BBOX1: variants seen among roughly 807,000 people sequenced by gnomAD.
BBOX1 encodes gamma-butyrobetaine hydroxylase 1, also known as gamma-butyrobetaine dioxygenase.
A neutral mutation model predicts 41.6 loss-of-function variants in BBOX1; 35 were observed. The ratio of observed to expected loss-of-function variants is 0.84; its 90% confidence interval spans 0.64 to 1.11. The LOEUF is 1.11. Among genes scored for constraint, BBOX1 ranks in the 50% most tolerant of loss-of-function variants. BBOX1 has a pLI of 0.00. For missense variants in BBOX1, 458 were observed against 460.6 expected, an observed-to-expected ratio of 0.99 and a Z score of 0.05; for synonymous variants, 163 against 154.7, an observed-to-expected ratio of 1.05 and a Z score of -0.40.
chr11:27,065,854 A>G (rs1857266121), intron 4 of BBOX1, among the ~76,000 whole-genome samples: 1 of 152,174 alleles, frequency 6.6e-6, no homozygotes. Flanking sequence ...TTTTCTCATT[A>G]CTTAACAACT....
intron 2 of BBOX1, among the ~76,000 whole-genome samples, chr11:27,049,546 A>G (rs1851604142): frequency 6.6e-6 from 1 of 152,028 alleles, no homozygotes; most frequent in African/African-American, 2.4e-5. Flanking sequence ...CACTGCACCC[A>G]GCTGCCCATT....
At chr11:27,044,697 T>C (rs1851440582) in intron 2 of BBOX1, among the ~76,000 whole-genome samples, 2 of 152,246 alleles carry the variant, frequency 1.3e-5, no homozygotes, top group Admixed American at 6.5e-5. Flanking sequence ...GGAAATCCTT[T>C]CCCCATTGCT....
At chr11:27,072,866 A>G (rs1037671796) in intron 4 of BBOX1, among the ~76,000 whole-genome samples, 6 of 151,486 alleles carry the variant, frequency 4.0e-5, no homozygotes, top group Non-Finnish European at 5.9e-5. Flanking sequence ...CTGGCTAGCC[A>G]TATGCTGAAA....
chr11:27,085,525 G>C (rs192828011), intron 4 of BBOX1, among the ~76,000 whole-genome samples: 1 of 147,524 alleles, frequency 6.8e-6, no homozygotes, highest in East Asian at 2.0e-4. Context: ...TATGTGTTCT[G>C]ACCACTTTAC....
At position 27,055,527 on chromosome 11, in the gene BBOX1, T is replaced by C. The variant is rs1856949809; in HGVS notation, c.97T>C (p.Trp33Arg). The C allele has an allele frequency of 1.2e-6, 2 of 1,614,080 alleles. No homozygotes were observed. The highest frequency in any genetic ancestry group is 1.1e-5 in the South Asian group (1 of 91,092). Residue 33 changes from tryptophan to arginine, a missense_variant, in exon 3 of 9, where the codon TGG becomes CGG. Physicochemically the swap from Trp to Arg is moderately radical, Grantham distance 101. Coordinates refer to ENST00000263182, the MANE Select transcript of BBOX1 (RefSeq NM_003986.3). ...DEEESLYPAV[W>R]LRDNCPCSDC... The stretch of plus-strand genomic sequence containing the variant: ...GGAAGAGTCTCTCTACCCAGCTGTA[T>C]GGTTGAGAGACAACTGTCCGTGCTC...
At chr11:27,073,508 T>C (rs1202057145) in intron 4 of BBOX1, among the ~76,000 whole-genome samples, 1 of 147,878 alleles carries the variant, frequency 6.8e-6, no homozygotes, top group East Asian at 1.9e-4. Context: ...GTGTGGCAAT[T>C]CCTCAGGGAT....
chr11:27,115,841 A>T (rs1859240659), intron 6 of BBOX1, among the ~76,000 whole-genome samples: 1 of 151,966 alleles, frequency 6.6e-6, no homozygotes, highest in Non-Finnish European at 1.5e-5. Flanking sequence ...TTGCCAAGAC[A>T]GATTTTAAGG....
intron 6 of BBOX1, among the ~76,000 whole-genome samples, chr11:27,117,550 TC>T (rs1345112019): frequency 6.6e-6 from 1 of 151,938 alleles, no homozygotes; most frequent in Non-Finnish European, 1.5e-5. Context: ...TCAGCTCAGC[TC>T]TTCTTCCAAA....
chr11:27,070,253 T>A (rs1313499819), intron 4 of BBOX1, among the ~76,000 whole-genome samples: 1 of 152,168 alleles, frequency 6.6e-6, no homozygotes. Context: ...TTGGGTAGAA[T>A]GTTCTATAAA....
chr11:27,094,380 C>T (rs1411186967), intron 5 of BBOX1, among the ~76,000 whole-genome samples: 4 of 151,916 alleles, frequency 2.6e-5, no homozygotes, highest in Non-Finnish European at 5.9e-5. Context: ...AAGGTTACAA[C>T]TGGAAGCACA....
chr11:27,106,982 A>G (rs1001176470), intron 5 of BBOX1, among the ~76,000 whole-genome samples: 2 of 152,170 alleles, frequency 1.3e-5, no homozygotes, highest in African/African-American at 4.8e-5. Context: ...CTGCTCCTGA[A>G]TGACTACTGG....
chr11:27,075,575 C>T (rs954222537), intron 4 of BBOX1, among the ~76,000 whole-genome samples: 1 of 152,120 alleles, frequency 6.6e-6, no homozygotes, highest in Non-Finnish European at 1.5e-5. Flanking sequence ...CTTGCCAGGC[C>T]AGCAGGAAAG....
chr11:27,087,954 A>G (rs138681064), intron 4 of BBOX1, among the ~76,000 whole-genome samples: 4,173 of 152,158 alleles, frequency 0.027, 197 homozygotes, highest in African/African-American at 0.095. Flanking sequence ...TGCCTATTGT[A>G]TTGACAGCTG....
At chr11:27,104,756 C>A (rs939889793) in intron 5 of BBOX1, among the ~76,000 whole-genome samples, 2 of 152,164 alleles carry the variant, frequency 1.3e-5, no homozygotes, top group East Asian at 1.9e-4. Flanking sequence ...GTTCTCCCAG[C>A]ATGGAGTTTG....
chr11:27,064,086 A>T (rs766956551), intron 4 of BBOX1, among the ~76,000 whole-genome samples: 1 of 152,282 alleles, frequency 6.6e-6, no homozygotes, highest in South Asian at 2.1e-4. Flanking sequence ...GCCTTGCTAC[A>T]TCCATTCTTG....
chr11:27,090,602 A>T (rs1452346240), intron 4 of BBOX1, among the ~76,000 whole-genome samples: 2 of 152,076 alleles, frequency 1.3e-5, no homozygotes, highest in East Asian at 3.9e-4. Context: ...GTCTATTTTC[A>T]GCGGTGCACG....
chr11:27,081,409 T>G (rs767144545), intron 4 of BBOX1, among the ~76,000 whole-genome samples: 2 of 152,152 alleles, frequency 1.3e-5, no homozygotes. Context: ...GGCTGCATAG[T>G]ATTCTATAGT....
At chr11:27,080,537 A>G (rs1857799764) in intron 4 of BBOX1, among the ~76,000 whole-genome samples, 1 of 152,156 alleles carries the variant, frequency 6.6e-6, no homozygotes, top group Admixed American at 6.5e-5. Context: ...GGTGAACAAA[A>G]TAAGAGAAAA....
At position 27,057,206 on chromosome 11, in the gene BBOX1, C is replaced by T. The variant is rs1386655737; in HGVS notation, c.225C>T (p.Tyr75=). The T allele has an allele frequency of 4.4e-6, 7 of 1,596,604 alleles. No individual in the cohort carries two copies. Among genetic ancestry groups the T allele is most frequent in the Non-Finnish European group, 6.0e-6 (7 of 1,175,028 alleles). Residue 75 remains tyrosine, a synonymous_variant, in exon 4 of 9, where the codon TAC becomes TAT. Coordinates refer to ENST00000263182, the MANE Select transcript of BBOX1 (RefSeq NM_003986.3). The stretch of plus-strand genomic sequence containing the variant: ...TTTGCTTTTTGTGTTATAAGGTGTA[C>T]ATCACATGGCCCGATGAGCATTACA... ...KGLIFDRKKV[Y]ITWPDEHYSE...
Sources: allele counts gnomAD v4.1 joint callset (sites outside exome capture counted in the v4.1 genomes callset), GRCh38; gene constraint gnomAD v4.1.1; transcripts MANE v1.5; gene names NCBI Gene and HGNC (gene_info 2026-07-23, HGNC 2026-07-21).